Variants in PDE11A observed in about 807,000 individuals in gnomAD.
PDE11A encodes the protein dual 3',5'-cyclic-AMP and -GMP phosphodiesterase 11A.
Under a neutral mutation model 100.5 loss-of-function variants are expected in PDE11A, and 100 were observed. That is an observed-to-expected ratio of 1.00 (90% CI 0.85 to 1.18). The LOEUF (loss-of-function observed/expected upper bound fraction) is 1.18, where lower values mean the gene tolerates loss of function less well. PDE11A is among the 50% of genes most tolerant of loss of function. The probability of loss-of-function intolerance (pLI) is 0.00; values close to 1 mark genes in which losing one functional copy is unlikely to be tolerated. For missense variants in PDE11A, 1,141 were observed against 1,152.6 expected (o/e 0.99, Z 0.15); for synonymous variants, 381 against 420.8 (o/e 0.91, Z 1.16).
At chr2:178,005,818 A>G (rs894957791) in intron 2 of PDE11A, among the ~76,000 whole-genome samples, 5 of 152,210 alleles carry the variant, frequency 3.3e-5, no homozygotes, top group Admixed American at 2.6e-4. Context: ...TACTAAGTTC[A>G]TTTATTTTTC....
chr2:177,838,101 A>G (rs1312907010), intron 6 of PDE11A, among the ~76,000 whole-genome samples: 2 of 152,234 alleles, frequency 1.3e-5, no homozygotes, highest in African/African-American at 4.8e-5. Context: ...GCAAAAACAG[A>G]AAAGGCACCA....
intron 15 of PDE11A, among the ~76,000 whole-genome samples, chr2:177,690,295 A>G (rs917310773): frequency 6.6e-6 from 1 of 152,206 alleles, no homozygotes; most frequent in African/African-American, 2.4e-5. Context: ...AATGTTTGGG[A>G]TAGAGTAATG....
At chr2:177,865,896 G>A (rs2084020488) in intron 5 of PDE11A, among the ~76,000 whole-genome samples, 1 of 152,054 alleles carries the variant, frequency 6.6e-6, no homozygotes, top group South Asian at 2.1e-4. Flanking sequence ...TTCTTTTTTG[G>A]AGTGATGAAA....
intron 15 of PDE11A, among the ~76,000 whole-genome samples, chr2:177,691,355 G>A (rs1405238589): frequency 1.3e-5 from 2 of 152,150 alleles, no homozygotes. Context: ...TCACTGACTT[G>A]GAGCCTCCAC....
At chr2:178,008,802 C>A (rs2086242380) in intron 2 of PDE11A, among the ~76,000 whole-genome samples, 3 of 152,146 alleles carry the variant, frequency 2.0e-5, no homozygotes, top group African/African-American at 7.2e-5. Context: ...CCTCAGCAAC[C>A]AAGCTCAAGT....
chr2:177,743,552 C>T (rs891998019), intron 10 of PDE11A, among the ~76,000 whole-genome samples: 1 of 152,194 alleles, frequency 6.6e-6, no homozygotes, highest in African/African-American at 2.4e-5. Context: ...GAAAATCAAC[C>T]TCACTTGGTC....
At chr2:177,916,023 A>T (rs13396204) in intron 2 of PDE11A, among the ~76,000 whole-genome samples, 13,046 of 152,170 alleles carry the variant, frequency 0.086, 520 homozygotes, top group South Asian at 0.099. Flanking sequence ...ATACACCTAT[A>T]ATACATTCTT....
intron 2 of PDE11A, among the ~76,000 whole-genome samples, chr2:177,964,384 T>TG (rs1362061132): frequency 2.6e-5 from 4 of 152,228 alleles, no homozygotes; most frequent in Non-Finnish European, 5.9e-5. Context: ...CTATTTTTTT[T>TG]CTTTCCAACT....
intron 19 of PDE11A, among the ~76,000 whole-genome samples, chr2:177,649,302 T>C (rs889593822): frequency 1.3e-5 from 2 of 152,194 alleles, no homozygotes; most frequent in African/African-American, 4.8e-5. Flanking sequence ...GAAAATTGTG[T>C]ATTTACAAGA....
intron 5 of PDE11A, among the ~76,000 whole-genome samples, chr2:177,843,276 CCTAAA>C (rs1488524988): frequency 6.6e-6 from 1 of 152,160 alleles, no homozygotes; most frequent in African/African-American, 2.4e-5. Context: ...ACCCCAACAT[CCTAAA>C]TTATAGTATT....
intron 2 of PDE11A, among the ~76,000 whole-genome samples, chr2:177,962,111 T>C (rs2085641926): frequency 6.7e-6 from 1 of 148,766 alleles, no homozygotes; most frequent in Non-Finnish European, 1.5e-5. Flanking sequence ...CCTAAAATTA[T>C]CTCACATATC....
intron 2 of PDE11A, among the ~76,000 whole-genome samples, chr2:177,979,911 A>C (rs2085859913): frequency 6.6e-6 from 1 of 150,564 alleles, no homozygotes; most frequent in Non-Finnish European, 1.5e-5. Context: ...CGCCCGGCAG[A>C]TGATCATTTT....
intron 5 of PDE11A, among the ~76,000 whole-genome samples, chr2:177,874,671 A>G (rs367975230): frequency 2.6e-5 from 4 of 152,234 alleles, no homozygotes; most frequent in African/African-American, 9.6e-5. Context: ...TTATTGGCCA[A>G]TTATGGACAA....
rs60917395 is a variant in PDE11A at position 177,713,946 on chromosome 2, C to A, written c.2044-2068G>T. Reference sequence around the variant, plus strand: ...CAACTACTTTCTATTTTCTTTTTCACCTAAATTCGTAGTTTTCCCACCATA... The same window carrying A: ...CAACTACTTTCTATTTTCTTTTTCAACTAAATTCGTAGTTTTCCCACCATA... On this transcript the variant is annotated intron_variant, in intron 12 of 19. Transcript: ENST00000286063. Among the ~76,000 whole-genome samples, 1,241 of 150,348 alleles carry A rather than the reference C, an allele frequency of 8.3e-3. 19 individuals carry two copies. Among genetic ancestry groups the A allele is most frequent in the African/African-American group, 0.028 (1,172 of 41,126 alleles).
chr2:177,706,230 T>C (rs1271955816), intron 13 of PDE11A, among the ~76,000 whole-genome samples: 1 of 152,240 alleles, frequency 6.6e-6, no homozygotes, highest in Non-Finnish European at 1.5e-5. Flanking sequence ...AATTTGTCCC[T>C]TGCTAAATGT....
intron 5 of PDE11A, among the ~76,000 whole-genome samples, chr2:177,855,897 G>A (rs1386415771): frequency 7.9e-6 from 1 of 125,872 alleles, no homozygotes; most frequent in Non-Finnish European, 1.6e-5. Flanking sequence ...CATCTAGAAC[G>A]TATGCAACAC....
intron 1 of PDE11A, among the ~76,000 whole-genome samples, chr2:178,069,588 A>G (rs531660392): frequency 8.9e-4 from 113 of 126,850 alleles, no homozygotes; most frequent in African/African-American, 2.5e-3. Context: ...GGGAAAAGGG[A>G]AAAAAAAAAA....
chr2:177,788,910 C>T (rs1488720557), intron 9 of PDE11A, among the ~76,000 whole-genome samples: 1 of 151,966 alleles, frequency 6.6e-6, no homozygotes, highest in Non-Finnish European at 1.5e-5. Context: ...GCTTACCAAA[C>T]AAAAAGAGTC....
rs562516555 is a variant in PDE11A, at chr2:177,815,930, G to A, written c.1737+899C>T. On this transcript the variant is annotated intron_variant, in intron 9 of 19. Transcript: ENST00000286063. Reference sequence around the variant, plus strand: ...ATATTTGGTAAAATCTACAGAGCAGGCCAGGTGTGGTGGCTCATGCCTGTA... The same window carrying A: ...ATATTTGGTAAAATCTACAGAGCAGACCAGGTGTGGTGGCTCATGCCTGTA... Among the ~76,000 whole-genome samples, 252 of 152,278 alleles carry A rather than the reference G, an allele frequency of 1.7e-3. 3 individuals are homozygous for A. The highest frequency in any genetic ancestry group is 5.8e-3 in the African/African-American group (242 of 41,552).
Sources: gnomAD v4.1 joint callset for allele counts (sites outside exome capture counted in the v4.1 genomes callset) on GRCh38, gnomAD v4.1.1 for gene constraint, MANE v1.5 for transcripts, NCBI Gene and HGNC (gene_info 2026-07-23, HGNC 2026-07-21) for gene names.